The following DTNBP1 variants were observed in gnomAD, a reference collection of about 807,000 sequenced individuals.
DTNBP1 encodes the protein dystrobrevin binding protein 1.
Under a neutral mutation model 42.8 loss-of-function variants are expected in DTNBP1, and 35 were observed. The observed-to-expected ratio is 0.82, with a 90% CI of 0.63 to 1.09. The LOEUF is 1.09. Among genes scored for constraint, DTNBP1 ranks in the 50% least tolerant of loss-of-function variants. DTNBP1 has a pLI of 0.00. For missense variants in DTNBP1, 457 were observed against 424.2 expected (o/e 1.08, Z -0.68); for synonymous variants, 171 against 162.2 (o/e 1.05, Z -0.41).
At chr6:15,565,967 G>A (rs991780696) in intron 7 of DTNBP1, among the ~76,000 whole-genome samples, 4 of 152,182 alleles carry the variant, frequency 2.6e-5, no homozygotes, top group African/African-American at 9.7e-5. Context: ...CAAGCATTTT[G>A]CTTCTTTACT....
intron 7 of DTNBP1, among the ~76,000 whole-genome samples, chr6:15,572,557 T>C (rs1019410690): frequency 2.6e-5 from 4 of 152,222 alleles, no homozygotes; most frequent in Non-Finnish European, 4.4e-5. Context: ...TCTACGTAAA[T>C]ACCAGGCACA....
intron 7 of DTNBP1, among the ~76,000 whole-genome samples, chr6:15,568,103 C>A (rs1363242048): frequency 6.6e-6 from 1 of 152,144 alleles, no homozygotes; most frequent in Non-Finnish European, 1.5e-5. Context: ...CTGAAATAGT[C>A]CATAAAATAA....
At chr6:15,565,978 AAG>A (rs1775054183) in intron 7 of DTNBP1, among the ~76,000 whole-genome samples, 1 of 152,222 alleles carries the variant, frequency 6.6e-6, no homozygotes, top group Non-Finnish European at 1.5e-5. Context: ...CTTCTTTACT[AAG>A]AGGCAGCCTC....
intron 7 of DTNBP1, among the ~76,000 whole-genome samples, chr6:15,563,863 C>T (rs985691560): frequency 6.6e-6 from 1 of 152,138 alleles, no homozygotes; most frequent in Non-Finnish European, 1.5e-5. Context: ...CACCTGAAGT[C>T]AGGAGTTCGA....
At chr6:15,637,431 T>G (rs975799633) in intron 4 of DTNBP1, among the ~76,000 whole-genome samples, 8 of 152,232 alleles carry the variant, frequency 5.3e-5, no homozygotes, top group African/African-American at 1.4e-4. Context: ...TATAAAGAGA[T>G]GTCTTATAAT....
chr6:15,619,885 T>C (rs1398240544), intron 5 of DTNBP1, among the ~76,000 whole-genome samples: 1 of 151,464 alleles, frequency 6.6e-6, no homozygotes, highest in Non-Finnish European at 1.5e-5. Flanking sequence ...CCTACTGTGC[T>C]ATAAAATAGT....
rs1439498388 is a variant in DTNBP1 at position 15,597,876 on chromosome 6, ATAT to A, written c.489-4798_489-4796del. On this transcript the variant is annotated intron_variant, in intron 6 of 9. Coordinates refer to ENST00000344537, the MANE Select transcript of DTNBP1 (RefSeq NM_032122.5). The stretch of plus-strand genomic sequence containing the variant: ...TTTATTTTTGATAAAGTTTGATCAA[ATAT>A]TATCTCATTTGAAACAACTTGTTTG... Among the ~76,000 whole-genome samples, 4 of 152,244 alleles carry A rather than the reference ATAT, an allele frequency of 2.6e-5. No homozygotes were observed. In the East Asian group the frequency reaches 7.7e-4, roughly 29 times the overall value.
chr6:15,569,792 A>T (rs1229148375), intron 7 of DTNBP1, among the ~76,000 whole-genome samples: 1 of 152,152 alleles, frequency 6.6e-6, no homozygotes, highest in Non-Finnish European at 1.5e-5. Flanking sequence ...CTCGTTACTC[A>T]TATTGGTTCT....
chr6:15,533,233 C>G lies in DTNBP1; in HGVS notation c.667+7G>C, dbSNP rs534257582. Reference sequence around the variant, plus strand: ...TCCCCACACCAGCAGCCCCAGCCCCCACTCGCCTCGCCGCTCTGCAATCTG... The same window carrying G: ...TCCCCACACCAGCAGCCCCAGCCCCGACTCGCCTCGCCGCTCTGCAATCTG... On this transcript the variant is annotated splice_region_variant and intron_variant, in intron 8 of 9. Coordinates refer to ENST00000344537, the MANE Select transcript of DTNBP1 (RefSeq NM_032122.5). 2.7e-5 allele frequency: 43 copies of G among 1,613,402 alleles called. No individual in the cohort carries two copies. Among genetic ancestry groups the G allele is most frequent in the South Asian group, 6.6e-5 (6 of 91,070 alleles).
At chr6:15,578,600 G>A (rs1013224371) in intron 7 of DTNBP1, among the ~76,000 whole-genome samples, 1 of 152,268 alleles carries the variant, frequency 6.6e-6, no homozygotes, top group Non-Finnish European at 1.5e-5. Flanking sequence ...GCAAAATATT[G>A]AGTGGTCATT....
At chr6:15,617,858 GC>G (rs1430530984) in intron 5 of DTNBP1, among the ~76,000 whole-genome samples, 4 of 151,856 alleles carry the variant, frequency 2.6e-5, no homozygotes, top group African/African-American at 9.7e-5. Flanking sequence ...AGCGACAAAA[GC>G]AAAAATAGAC....
At position 15,610,793 on chromosome 6, in the gene DTNBP1, C is replaced by G. The variant is rs139613063; in HGVS notation, c.488+4474G>C. 5.8e-4 allele frequency among the ~76,000 whole-genome samples: 88 copies of G among 152,334 alleles called. 1 individual carries two copies. The highest frequency in any genetic ancestry group is 3.4e-3 in the Middle Eastern group (1 of 294). ...TCCAGAGCAAGGTTCCAACTCTCTT[C>G]AGTTCTATGAAAGCTAAAACAGGTG... On this transcript the variant is annotated intron_variant, in intron 6 of 9. Transcript: ENST00000344537.
intron 8 of DTNBP1, 124 bp downstream of exon 8, chr6:15,533,116 G>A (rs1200909347): frequency 1.4e-6 from 2 of 1,472,086 alleles, no homozygotes; most frequent in Non-Finnish European, 1.8e-6. Context: ...TTTGGTTGCT[G>A]GGGTCTCATA....
chr6:15,580,314 T>C (rs1005354070), intron 7 of DTNBP1, among the ~76,000 whole-genome samples: 4 of 152,196 alleles, frequency 2.6e-5, no homozygotes, highest in African/African-American at 4.8e-5. Flanking sequence ...ATGAAATAGA[T>C]AAAGTCACAG....
chr6:15,626,678 T>A (rs1181894427), intron 5 of DTNBP1, among the ~76,000 whole-genome samples: 1 of 152,146 alleles, frequency 6.6e-6, no homozygotes, highest in Non-Finnish European at 1.5e-5. Flanking sequence ...ACATAATCCA[T>A]CCAAATGAAC....
At chr6:15,537,052 A>G (rs889341959) in intron 7 of DTNBP1, among the ~76,000 whole-genome samples, 1 of 152,176 alleles carries the variant, frequency 6.6e-6, no homozygotes, top group South Asian at 2.1e-4. Context: ...TCTTGGAAGT[A>G]ACTAACTTGC....
chr6:15,540,594 A>G (rs748136639), intron 7 of DTNBP1, among the ~76,000 whole-genome samples: 31 of 152,170 alleles, frequency 2.0e-4, no homozygotes, highest in Admixed American at 8.5e-4. Context: ...AAATCCAATC[A>G]TGTCTCGACC....
intron 4 of DTNBP1, among the ~76,000 whole-genome samples, chr6:15,628,398 C>CTTTTTTTTT (rs70996561): frequency 2.6e-5 from 2 of 77,060 alleles, no homozygotes; most frequent in African/African-American, 1.1e-4. Context: ...GATTAAGGTT[C>CTTTTTTTTT]TTTTTTTTTT....
intron 6 of DTNBP1, among the ~76,000 whole-genome samples, chr6:15,603,791 A>C (rs1419609539): frequency 6.6e-6 from 1 of 152,166 alleles, no homozygotes; most frequent in African/African-American, 2.4e-5. Context: ...CCAATACCTC[A>C]GTAATTATGA....
Sources: gnomAD v4.1 joint callset for allele counts (sites outside exome capture counted in the v4.1 genomes callset) on GRCh38, gnomAD v4.1.1 for gene constraint, MANE v1.5 for transcripts, NCBI Gene and HGNC (gene_info 2026-07-23, HGNC 2026-07-21) for gene names.